COL25A1: variants seen among roughly 807,000 people sequenced by gnomAD.
COL25A1 encodes the protein collagen type XXV alpha 1 chain.
A neutral mutation model predicts 128.4 loss-of-function variants in COL25A1; 103 were observed. That is an observed-to-expected ratio of 0.80 (90% CI 0.68 to 0.94). The LOEUF is 0.94. Ranked by LOEUF, COL25A1 falls within the 40% of genes least tolerant of loss-of-function variation. COL25A1 has a pLI of 0.00. For synonymous variants in COL25A1, 279 were observed against 277.2 expected (o/e 1.01, Z -0.06); for missense variants, 745 against 840.0 (o/e 0.89, Z 1.40).
chr4:108,839,069 G>C (rs759427543), intron 31 of COL25A1, among the ~76,000 whole-genome samples: 62 of 152,208 alleles, frequency 4.1e-4, no homozygotes, highest in South Asian at 6.2e-4. Context: ...CTTGCTGGGT[G>C]GGGGCGGGAA....
chr4:109,059,426 C>G (rs74591794), intron 3 of COL25A1, among the ~76,000 whole-genome samples: 1 of 152,166 alleles, frequency 6.6e-6, no homozygotes, highest in Non-Finnish European at 1.5e-5. Flanking sequence ...AAACACACAA[C>G]TGCCTGAAGG....
chr4:109,205,193 T>C (rs1273994582), intron 3 of COL25A1, among the ~76,000 whole-genome samples: 11 of 152,200 alleles, frequency 7.2e-5, no homozygotes, highest in Admixed American at 4.6e-4. Flanking sequence ...CTGAATAACA[T>C]TGAGCTCTAA....
At chr4:109,151,644 T>C (rs888326722) in intron 3 of COL25A1, among the ~76,000 whole-genome samples, 4 of 152,130 alleles carry the variant, frequency 2.6e-5, no homozygotes, top group African/African-American at 7.2e-5. Flanking sequence ...CCTAGAAATA[T>C]TGAAAGTAAA....
chr4:109,119,538 T>G (rs959476051), intron 3 of COL25A1, among the ~76,000 whole-genome samples: 1 of 152,012 alleles, frequency 6.6e-6, no homozygotes, highest in African/African-American at 2.4e-5. Context: ...AAGAATACTA[T>G]GAACAGCTCT....
chr4:108,956,580 A>G (rs1412446119), intron 8 of COL25A1, among the ~76,000 whole-genome samples: 2 of 152,020 alleles, frequency 1.3e-5, no homozygotes, highest in Admixed American at 1.3e-4. Flanking sequence ...TAATTTTTGT[A>G]TTTTTAGTAG....
intron 3 of COL25A1, among the ~76,000 whole-genome samples, chr4:109,218,551 A>C (rs1023625463): frequency 4.6e-5 from 7 of 151,554 alleles, no homozygotes; most frequent in Non-Finnish European, 7.4e-5. Flanking sequence ...CAAATACTAC[A>C]GTATGTACTC....
intron 3 of COL25A1, among the ~76,000 whole-genome samples, chr4:109,085,215 T>C (rs991054747): frequency 2.0e-5 from 3 of 152,086 alleles, no homozygotes; most frequent in African/African-American, 7.2e-5. Flanking sequence ...ATCTAAAGAG[T>C]CCGCTGAGCC....
At chr4:109,057,421 ATTTTTTTTTTT>A (rs776941019) in intron 3 of COL25A1, among the ~76,000 whole-genome samples, 14 of 20,238 alleles carry the variant, frequency 6.9e-4, no homozygotes, top group African/African-American at 1.6e-3. Flanking sequence ...TGCCTAGCTA[ATTTTTTTTTTT>A]TTTTTTTTTT....
chr4:109,211,245 T>C (rs1008339222), intron 3 of COL25A1, among the ~76,000 whole-genome samples: 4 of 114,790 alleles, frequency 3.5e-5, no homozygotes, highest in Non-Finnish European at 7.0e-5. Context: ...TGTATATATA[T>C]GAAACAATAT....
chr4:109,164,843 G>C (rs994385722), intron 3 of COL25A1, among the ~76,000 whole-genome samples: 1 of 152,076 alleles, frequency 6.6e-6, no homozygotes, highest in Admixed American at 6.6e-5. Flanking sequence ...CAGTCTATCT[G>C]AATAATCACA....
intron 3 of COL25A1, among the ~76,000 whole-genome samples, chr4:109,120,057 C>G (rs1320753561): frequency 6.6e-6 from 1 of 151,984 alleles, no homozygotes; most frequent in African/African-American, 2.4e-5. Flanking sequence ...TCTATAGATT[C>G]AGAAAAACCA....
At chr4:109,073,474 C>T (rs1402889510) in intron 3 of COL25A1, among the ~76,000 whole-genome samples, 1 of 152,120 alleles carries the variant, frequency 6.6e-6, no homozygotes, top group East Asian at 1.9e-4. Context: ...ATAACACAAT[C>T]GCTGCAGATC....
chr4:109,172,177 A>G (rs1389986835), intron 3 of COL25A1, among the ~76,000 whole-genome samples: 1 of 151,954 alleles, frequency 6.6e-6, no homozygotes, highest in Non-Finnish European at 1.5e-5. Flanking sequence ...CCTTCCATCC[A>G]CTGTTCAAAA....
At chr4:109,279,051 C>T (rs979789350) in intron 3 of COL25A1, among the ~76,000 whole-genome samples, 1 of 143,212 alleles carries the variant, frequency 7.0e-6, no homozygotes, top group African/African-American at 2.6e-5. Context: ...AGTCACCTCT[C>T]AAAAGACCTA....
chr4:108,937,974 A>G, intron 10 of COL25A1, 131 bp from the exon 11 acceptor site: 1 of 663,088 alleles, frequency 1.5e-6, no homozygotes. Flanking sequence ...AGAGGAATGT[A>G]GCACATTAAA....
intron 6 of COL25A1, among the ~76,000 whole-genome samples, chr4:108,978,198 C>T (rs1286497279): frequency 1.3e-5 from 2 of 152,222 alleles, no homozygotes; most frequent in African/African-American, 4.8e-5. Flanking sequence ...GACAGTATGG[C>T]GTCCTGGCAC....
chr4:109,254,107 A>G (rs1005011999), intron 3 of COL25A1, among the ~76,000 whole-genome samples: 2 of 151,372 alleles, frequency 1.3e-5, no homozygotes, highest in South Asian at 4.2e-4. Flanking sequence ...AAAAAAAAAG[A>G]ATTGTTTAAA....
chr4:109,056,610 A>G (rs988973558), intron 3 of COL25A1, among the ~76,000 whole-genome samples: 1 of 150,188 alleles, frequency 6.7e-6, no homozygotes, highest in African/African-American at 2.5e-5. Flanking sequence ...ATAAAACACA[A>G]TAAAGCCCAT....
intron 13 of COL25A1, among the ~76,000 whole-genome samples, chr4:108,907,441 A>G (rs993197112): frequency 6.6e-6 from 1 of 152,196 alleles, no homozygotes; most frequent in Non-Finnish European, 1.5e-5. Context: ...TGCTGGTTCT[A>G]TAAATTTTCA....
Sources: gnomAD v4.1 joint callset for allele counts (sites outside exome capture counted in the v4.1 genomes callset) on GRCh38, gnomAD v4.1.1 for gene constraint, MANE v1.5 for transcripts, NCBI Gene and HGNC (gene_info 2026-07-23, HGNC 2026-07-21) for gene names.